The following STXBP5L variants were observed in gnomAD, a reference collection of about 807,000 sequenced individuals.
STXBP5L encodes the protein syntaxin-binding protein 5-like.
A neutral mutation model predicts 144.5 loss-of-function variants in STXBP5L; 65 were observed. The ratio of observed to expected loss-of-function variants is 0.45; its 90% confidence interval spans 0.37 to 0.55. The LOEUF (loss-of-function observed/expected upper bound fraction) is 0.55, where lower values mean the gene tolerates loss of function less well. Ranked by LOEUF, STXBP5L falls within the 20% of genes least tolerant of loss-of-function variation. The probability of loss-of-function intolerance (pLI) is 0.00; values close to 1 mark genes in which losing one functional copy is unlikely to be tolerated. For synonymous variants in STXBP5L, 505 were observed against 469.6 expected, an observed-to-expected ratio of 1.08 and a Z score of -0.97; for missense variants, 1,298 against 1,405.5, an observed-to-expected ratio of 0.92 and a Z score of 1.22.
Position 121,221,912 on chromosome 3 carries a change from G to A in STXBP5L, c.957-1091G>A, listed in dbSNP as rs570391301. On this transcript the variant is annotated intron_variant, in intron 10 of 26. Transcript: ENST00000471454. ...CTTTTTGGTTATATAGCCAGCATAA[G>A]ATTAGTAAATGTCCCACTGATAATG... is the stretch of plus-strand genomic sequence containing the variant. Among the ~76,000 whole-genome samples, 27 of 151,834 alleles carry A rather than the reference G, an allele frequency of 1.8e-4. No homozygotes were observed. The South Asian group carries it at 5.2e-3, about 29-fold the overall frequency.
At chr3:121,159,836 G>T (rs2046254827) in intron 9 of STXBP5L, among the ~76,000 whole-genome samples, 1 of 151,814 alleles carries the variant, frequency 6.6e-6, no homozygotes, top group Non-Finnish European at 1.5e-5. Flanking sequence ...GTTTCACCGT[G>T]TTAGCCAGGA....
intron 2 of STXBP5L, among the ~76,000 whole-genome samples, chr3:120,954,568 C>G (rs1937813782): frequency 6.6e-6 from 1 of 151,862 alleles, no homozygotes. Flanking sequence ...TTGTTGGACA[C>G]CTGGGCTGTT....
In STXBP5L at chr3:121,259,126, C is replaced by T. The variant is rs2050304182; in HGVS notation, c.1916C>T (p.Pro639Leu). Residue 639 changes from proline (P) to leucine (L), a missense_variant, in exon 18 of 27, where the codon CCA becomes CTA. Transcript: ENST00000471454. ...TTGGTGTGGGTAGATGGTGAACCTCCACAACAGATTACTAGTCTTGCTGTA... is the reference window on the plus strand; with the variant it reads ...TTGGTGTGGGTAGATGGTGAACCTCTACAACAGATTACTAGTCTTGCTGTA... ...IQLVWVDGEP[P>L]QQITSLAVSS... is the part of the protein sequence containing the mutation. 7 of 1,600,100 alleles carry T rather than the reference C, an allele frequency of 4.4e-6. No homozygotes were observed. The highest frequency in any genetic ancestry group is 6.0e-6 in the Non-Finnish European group (7 of 1,172,074).
chr3:121,061,903 G>A (rs1004086618), intron 5 of STXBP5L, among the ~76,000 whole-genome samples: 42 of 149,388 alleles, frequency 2.8e-4, no homozygotes, highest in African/African-American at 1.0e-3. Flanking sequence ...ACACTCTGAT[G>A]TGTCTTGACT....
chr3:120,927,286 G>A (rs1048476061), intron 2 of STXBP5L, among the ~76,000 whole-genome samples: 1 of 152,138 alleles, frequency 6.6e-6, no homozygotes, highest in African/African-American at 2.4e-5. Context: ...TGGGAAGGCT[G>A]GCTAGGGGTT....
chr3:121,038,984 C>G (rs1473125756), intron 3 of STXBP5L, among the ~76,000 whole-genome samples: 1 of 151,482 alleles, frequency 6.6e-6, no homozygotes, highest in Non-Finnish European at 1.5e-5. Flanking sequence ...ATATATTAAC[C>G]TATTTGTATA....
intron 3 of STXBP5L, among the ~76,000 whole-genome samples, chr3:120,969,880 T>C (rs1194349427): frequency 6.6e-6 from 1 of 152,060 alleles, no homozygotes; most frequent in Non-Finnish European, 1.5e-5. Context: ...TTTCCTCTGT[T>C]ACTGTTTTCC....
intron 17 of STXBP5L, 134 bp from the exon 18 acceptor site, chr3:121,258,909 C>A: frequency 1.3e-6 from 1 of 776,682 alleles, no homozygotes; most frequent in Non-Finnish European, 1.8e-6. Flanking sequence ...AACTAGAAGG[C>A]ACCATCCATC....
chr3:121,214,536 C>G (rs190608701), intron 10 of STXBP5L, among the ~76,000 whole-genome samples: 1 of 152,126 alleles, frequency 6.6e-6, no homozygotes. Flanking sequence ...GTTTCTCAAT[C>G]CTGAGTTCTA....
At chr3:121,129,766 C>T (rs759784367) in intron 7 of STXBP5L, among the ~76,000 whole-genome samples, 4 of 151,828 alleles carry the variant, frequency 2.6e-5, no homozygotes, top group Non-Finnish European at 4.4e-5. Flanking sequence ...ACTTTTTTGC[C>T]TATGTAATGC....
chr3:121,059,935 C>T (rs1382595129), intron 5 of STXBP5L, among the ~76,000 whole-genome samples: 3 of 152,110 alleles, frequency 2.0e-5, no homozygotes, highest in South Asian at 2.1e-4. Flanking sequence ...AATTTGATTT[C>T]CTCTCTTCCT....
rs530001950 is a variant in STXBP5L at position 121,417,611 on chromosome 3, A to C, written c.3227-726A>C. On this transcript the variant is annotated intron_variant, in intron 25 of 26. Transcript: ENST00000471454. Reference sequence around the variant, plus strand: ...CTCCCGAGTAGCTGGGACTACAGGCACATGTCACCACTCCCGGCTAATTTT... The same window carrying C: ...CTCCCGAGTAGCTGGGACTACAGGCCCATGTCACCACTCCCGGCTAATTTT... 1.4e-4 allele frequency among the ~76,000 whole-genome samples: 21 copies of C among 152,276 alleles called. No homozygotes were observed. The East Asian group carries it at 3.3e-3, about 24-fold the overall frequency.
intron 2 of STXBP5L, among the ~76,000 whole-genome samples, chr3:120,943,951 G>C (rs925961689): frequency 2.6e-5 from 4 of 151,142 alleles, no homozygotes; most frequent in African/African-American, 9.7e-5. Flanking sequence ...CATATTGAAA[G>C]ATGAGGGCAA....
intron 9 of STXBP5L, among the ~76,000 whole-genome samples, chr3:121,178,228 C>T (rs2108091491): frequency 6.6e-6 from 1 of 152,300 alleles, no homozygotes; most frequent in Middle Eastern, 3.4e-3. Context: ...CAATGTGAAT[C>T]TACTTACTGC....
At chr3:121,077,106 C>T (rs899686605) in intron 5 of STXBP5L, among the ~76,000 whole-genome samples, 1 of 152,196 alleles carries the variant, frequency 6.6e-6, no homozygotes. Flanking sequence ...TCACACACTT[C>T]CTCTGTCCCT....
intron 20 of STXBP5L, among the ~76,000 whole-genome samples, chr3:121,331,573 C>G (rs535984445): frequency 2.3e-4 from 35 of 152,244 alleles, no homozygotes; most frequent in African/African-American, 8.2e-4. Context: ...AGTTGAGTAG[C>G]TTTCCTTCTG....
chr3:121,321,495 A>G (rs182657414), intron 20 of STXBP5L, among the ~76,000 whole-genome samples: 4 of 152,186 alleles, frequency 2.6e-5, no homozygotes, highest in Non-Finnish European at 4.4e-5. Context: ...CAATAGCCAC[A>G]CATACACCTA....
At chr3:121,350,851 G>C (rs186125759) in intron 20 of STXBP5L, among the ~76,000 whole-genome samples, 1 of 151,926 alleles carries the variant, frequency 6.6e-6, no homozygotes, top group South Asian at 2.1e-4. Context: ...TATTCTAGTA[G>C]CCATTCATCT....
At chr3:120,990,693 G>A (rs1942758950) in intron 3 of STXBP5L, among the ~76,000 whole-genome samples, 1 of 152,138 alleles carries the variant, frequency 6.6e-6, no homozygotes, top group Non-Finnish European at 1.5e-5. Context: ...ACAACTATCT[G>A]ATCTTTGACA....
Sources: gnomAD v4.1 joint callset for allele counts (sites outside exome capture counted in the v4.1 genomes callset) on GRCh38, gnomAD v4.1.1 for gene constraint, MANE v1.5 for transcripts, NCBI Gene and HGNC (gene_info 2026-07-23, HGNC 2026-07-21) for gene names.